JCAD: variants seen among roughly 807,000 people sequenced by gnomAD.
JCAD encodes junctional cadherin 5-associated protein.
In JCAD, 40 loss-of-function variants were observed where a neutral mutation model predicts 98.0. That is an observed-to-expected ratio of 0.41 (90% CI 0.32 to 0.53). The LOEUF is 0.53. Ranked by LOEUF, JCAD falls within the 20% of genes least tolerant of loss-of-function variation. JCAD has a pLI of 0.31. For synonymous variants in JCAD, 691 were observed against 682.3 expected (o/e 1.01, Z -0.20); for missense variants, 1,705 against 1,738.1 (o/e 0.98, Z 0.34).
intron 1 of JCAD, among the ~76,000 whole-genome samples, chr10:30,054,969 GA>G (rs1837540062): frequency 6.6e-6 from 1 of 152,180 alleles, no homozygotes; most frequent in Admixed American, 6.5e-5. Flanking sequence ...GCGCCCGGCC[GA>G]AAATGCATCT....
chr10:30,109,969 C>T (rs1368548076), intron 1 of JCAD, among the ~76,000 whole-genome samples: 2 of 151,972 alleles, frequency 1.3e-5, no homozygotes, highest in Non-Finnish European at 2.9e-5. Context: ...TATGGACCCC[C>T]TGATATATGG....
chr10:30,114,003 G>A (rs1208034701), intron 1 of JCAD, among the ~76,000 whole-genome samples: 2 of 152,158 alleles, frequency 1.3e-5, no homozygotes, highest in African/African-American at 4.8e-5. Flanking sequence ...TGAGCATTGT[G>A]TCTACGACTC....
At chr10:30,079,051 C>A (rs1838028916) in intron 1 of JCAD, among the ~76,000 whole-genome samples, 1 of 152,144 alleles carries the variant, frequency 6.6e-6, no homozygotes, top group Non-Finnish European at 1.5e-5. Flanking sequence ...GGGAAACCCA[C>A]CTCTGCTGGT....
intron 2 of JCAD, chr10:30,044,693 T>A (rs1409706698): frequency 2.7e-5 from 9 of 332,834 alleles, no homozygotes; most frequent in South Asian, 1.1e-4. Flanking sequence ...TTTTTTTTTT[T>A]AAATTTAAGC....
chr10:30,079,118 T>C (rs1838029813), intron 1 of JCAD, among the ~76,000 whole-genome samples: 1 of 152,104 alleles, frequency 6.6e-6, no homozygotes, highest in Non-Finnish European at 1.5e-5. Flanking sequence ...AGTAATCATC[T>C]TGGGAGGCCG....
intron 1 of JCAD, among the ~76,000 whole-genome samples, chr10:30,070,937 G>A (rs569943650): frequency 2.6e-5 from 4 of 152,280 alleles, no homozygotes; most frequent in East Asian, 3.9e-4. Flanking sequence ...ACGGAGTCTC[G>A]CTTTATCGCT....
intron 1 of JCAD, among the ~76,000 whole-genome samples, chr10:30,079,669 T>C (rs1238799589): frequency 6.6e-6 from 1 of 152,072 alleles, no homozygotes; most frequent in African/African-American, 2.4e-5. Context: ...ACGTGGCCAC[T>C]CCTACTGAAA....
chr10:30,031,750 A>ATTTTT (rs1177691710), intron 2 of JCAD, among the ~76,000 whole-genome samples: 4 of 63,370 alleles, frequency 6.3e-5, no homozygotes, highest in African/African-American at 1.4e-4. Context: ...CCCCATCTGT[A>ATTTTT]TTTTTTTTTT....
At chr10:30,112,922 C>A (rs567566396) in intron 1 of JCAD, among the ~76,000 whole-genome samples, 160 of 151,084 alleles carry the variant, frequency 1.1e-3, no homozygotes, top group Admixed American at 5.1e-3. Flanking sequence ...TCAGGGGTTC[C>A]CTGGAGCTTG....
chr10:30,017,873 C>T lies in JCAD; in HGVS notation c.*10G>A, dbSNP rs370794553. 2.2e-5 allele frequency: 36 copies of T among 1,611,656 alleles called. No individual in the cohort carries two copies. The highest frequency in any genetic ancestry group is 1.0e-4 in the Admixed American group (6 of 59,930). On this transcript the variant is annotated 3_prime_UTR_variant, in exon 4 of 4. Transcript: ENST00000375377. ...ATTCGCAACGGAATGCAAGCTCCAC[C>T]GGCATTTCATCACACCCTCTCCACT...
At chr10:30,048,651 C>T (rs985985360) in intron 1 of JCAD, among the ~76,000 whole-genome samples, 1 of 152,070 alleles carries the variant, frequency 6.6e-6, no homozygotes, top group African/African-American at 2.4e-5. Context: ...CTGCAACCTC[C>T]ACCTCCTGGG....
intron 1 of JCAD, among the ~76,000 whole-genome samples, chr10:30,083,522 G>A (rs1838119787): frequency 6.6e-6 from 1 of 152,192 alleles, no homozygotes; most frequent in Non-Finnish European, 1.5e-5. Flanking sequence ...ATTTGCAGAT[G>A]TTCTGTTCTA....
At chr10:30,054,675 CT>C (rs34992036) in intron 1 of JCAD, among the ~76,000 whole-genome samples, 66 of 146,586 alleles carry the variant, frequency 4.5e-4, no homozygotes, top group Admixed American at 4.7e-4. Flanking sequence ...GAAAATGCAT[CT>C]TTTTTTTTTT....
In JCAD at chr10:30,028,696, C is replaced by T. The variant is rs374434606; in HGVS notation, c.1452G>A (p.Ser484=). ...IWNPQSLIPP[S]GDERGLVLAD... is the part of the protein sequence containing the mutation. ...CCAAGACCAGGCCTCTCTCATCCCC[C>T]GACGGGGGTATTAAGCTCTGTGGAT... Residue 484 remains serine (S), a synonymous_variant, in exon 3 of 4, where the codon TCG becomes TCA. Transcript: ENST00000375377. The T allele has an allele frequency of 2.8e-5, 45 of 1,610,320 alleles. 1 individual carries two copies. Among genetic ancestry groups the T allele is most frequent in the Admixed American group, 2.2e-4 (13 of 59,670 alleles).
Position 30,017,697 on chromosome 10 carries a change from A to G in JCAD, c.*186T>C. On this transcript the variant is annotated 3_prime_UTR_variant, in exon 4 of 4. Coordinates refer to ENST00000375377, the MANE Select transcript of JCAD (RefSeq NM_020848.4). ...GATGGTTTCAACGGACGATTGCTTT[A>G]TCGCCACAAAGCAATTCTGAGAGGA... 1.5e-6 allele frequency: 1 copy of G among 649,036 alleles called. No homozygotes were observed. 40.2% of individuals were successfully genotyped at this position (649,036 alleles called of 1,614,324 possible).
chr10:30,103,381 A>G (rs777982348), intron 1 of JCAD, among the ~76,000 whole-genome samples: 1 of 152,222 alleles, frequency 6.6e-6, no homozygotes, highest in Non-Finnish European at 1.5e-5. Context: ...TAGAATTATC[A>G]TATGATCCGG....
At chr10:30,104,741 A>G (rs986637993) in intron 1 of JCAD, among the ~76,000 whole-genome samples, 2 of 152,264 alleles carry the variant, frequency 1.3e-5, no homozygotes, top group East Asian at 3.9e-4. Context: ...AGTTGAAATT[A>G]TTTGAAAATT....
intron 2 of JCAD, among the ~76,000 whole-genome samples, chr10:30,043,467 G>A (rs1564451595): frequency 6.6e-6 from 1 of 152,132 alleles, no homozygotes; most frequent in African/African-American, 2.4e-5. Context: ...TTCCAGCTAA[G>A]CCCCAGATGA....
rs951021207 is a variant in JCAD at position 30,016,172 on chromosome 10, G to A, written c.*1711C>T. 4.6e-5 allele frequency: 7 copies of A among 152,236 alleles called. No homozygotes were observed. Among genetic ancestry groups the A allele is most frequent in the African/African-American group, 1.4e-4 (6 of 41,460 alleles). The allele number at this position is 152,236 out of a possible 1,614,324, so 9.4% of individuals were successfully genotyped here. ...TGAAATAAAATCATACGGTACAGAT[G>A]AGAACAGGCCGGGACAGCCCGGCCA... is the stretch of plus-strand genomic sequence containing the variant. On this transcript the variant is annotated 3_prime_UTR_variant, in exon 4 of 4. Transcript: ENST00000375377.
Sources: gnomAD v4.1 joint callset for allele counts (sites outside exome capture counted in the v4.1 genomes callset) on GRCh38, gnomAD v4.1.1 for gene constraint, MANE v1.5 for transcripts, NCBI Gene and HGNC (gene_info 2026-07-23, HGNC 2026-07-21) for gene names.